ILDR2: variants seen among roughly 807,000 people sequenced by gnomAD.
The protein encoded by ILDR2 is immunoglobulin like domain containing receptor 2.
A neutral mutation model predicts 66.8 loss-of-function variants in ILDR2; 25 were observed. That is an observed-to-expected ratio of 0.37 (90% CI 0.27 to 0.52). ILDR2 has a LOEUF of 0.52. Among genes scored for constraint, ILDR2 ranks in the 20% least tolerant of loss-of-function variants. The pLI is 0.88. For synonymous variants in ILDR2, 367 were observed against 357.2 expected (o/e 1.03, Z -0.31); for missense variants, 827 against 876.8 (o/e 0.94, Z 0.72).
At chr1:166,939,203 C>A (rs1163113214) in intron 4 of ILDR2, among the ~76,000 whole-genome samples, 2 of 152,104 alleles carry the variant, frequency 1.3e-5, no homozygotes, top group African/African-American at 4.8e-5. Flanking sequence ...ATTAAAAATA[C>A]TTTTAGGTAT....
At chr1:166,923,164 T>G (rs1660063358) in intron 7 of ILDR2, among the ~76,000 whole-genome samples, 2 of 152,182 alleles carry the variant, frequency 1.3e-5, no homozygotes, top group African/African-American at 4.8e-5. Context: ...TCTTCTTCCT[T>G]TATAATTCTG....
intron 6 of ILDR2, among the ~76,000 whole-genome samples, chr1:166,929,806 C>T (rs149743877): frequency 6.6e-6 from 1 of 152,116 alleles, no homozygotes; most frequent in East Asian, 1.9e-4. Flanking sequence ...GCAGATGAGG[C>T]CATATGGGCG....
chr1:166,961,487 A>G (rs1398409469), intron 1 of ILDR2, among the ~76,000 whole-genome samples: 3 of 152,224 alleles, frequency 2.0e-5, no homozygotes, highest in Non-Finnish European at 4.4e-5. Flanking sequence ...TTATAGCATG[A>G]TACTTAAAGG....
At chr1:166,923,462 G>T (rs543817360) in intron 7 of ILDR2, among the ~76,000 whole-genome samples, 2 of 152,330 alleles carry the variant, frequency 1.3e-5, no homozygotes, top group East Asian at 3.9e-4. Context: ...GGAAGATCCT[G>T]CTCAAGTAGC....
chr1:166,939,499 T>C lies in ILDR2; in HGVS notation c.556+15A>G. 1 of 1,609,546 alleles carries C rather than the reference T, an allele frequency of 6.2e-7. No homozygotes were observed. Among genetic ancestry groups the C allele is most frequent in the Non-Finnish European group, 8.5e-7 (1 of 1,175,896 alleles). ...ACAGCAAATCAAGCAAATAAAGAGTTAAATGACCGAATACCTGGCATAATC... is the reference window on the plus strand; with the variant it reads ...ACAGCAAATCAAGCAAATAAAGAGTCAAATGACCGAATACCTGGCATAATC... On this transcript the variant is annotated intron_variant, in intron 4 of 9. Coordinates refer to ENST00000271417, the MANE Select transcript of ILDR2 (RefSeq NM_199351.3).
rs747723781 is a variant in ILDR2 at position 166,910,835 on chromosome 1, A to C, written c.*8520T>G. 1.3e-5 allele frequency: 2 copies of C among 152,262 alleles called. No individual in the cohort carries two copies. Among genetic ancestry groups the C allele is most frequent in the Non-Finnish European group, 2.9e-5 (2 of 68,046 alleles). The allele number at this position is 152,262 out of a possible 1,614,324, so 9.4% of individuals were successfully genotyped here. A position where few individuals can be genotyped will look rare whatever the true frequency, so the allele number is the denominator to read the frequency against. ...AAAATTGGATTAGAATTAGATAATC[A>C]TAGGGAAAAATGAATTATTTGTTTT... is the stretch of plus-strand genomic sequence containing the variant. On this transcript the variant is annotated 3_prime_UTR_variant, in exon 10 of 10. Transcript: ENST00000271417.
intron 3 of ILDR2, among the ~76,000 whole-genome samples, chr1:166,950,387 G>A (rs2101955653): frequency 6.6e-6 from 1 of 152,256 alleles, no homozygotes; most frequent in African/African-American, 2.4e-5. Flanking sequence ...GCGGCACCAG[G>A]CTGGGGCTGG....
At chr1:166,922,489 G>A (rs1438738392) in intron 8 of ILDR2, 104 bp downstream of exon 8, 1 of 821,170 alleles carries the variant, frequency 1.2e-6, no homozygotes, top group East Asian at 2.4e-5. Flanking sequence ...CCTGGAATGG[G>A]AGACAGAGAT....
At chr1:166,941,533 C>A (rs907927634) in intron 3 of ILDR2, among the ~76,000 whole-genome samples, 10 of 152,132 alleles carry the variant, frequency 6.6e-5, no homozygotes, top group Admixed American at 6.5e-4. Context: ...GTAATAATCA[C>A]CTAGTCAAAG....
At chr1:166,897,782 A>T (rs1171249221) in intron 2 of ILDR2, among the ~76,000 whole-genome samples, 1 of 152,358 alleles carries the variant, frequency 6.6e-6, no homozygotes, top group South Asian at 2.1e-4. Context: ...TGTTCTATGC[A>T]TCTTTCTTTT....
At chr1:166,939,491 TAA>T (rs1557942353) in intron 4 of ILDR2, 21 bp downstream of exon 4, 2 of 1,602,592 alleles carry the variant, frequency 1.2e-6, no homozygotes, top group South Asian at 1.1e-5. Flanking sequence ...ATCAAGCAAA[TAA>T]AGAGTTAAAT....
At chr1:166,971,876 A>G (rs953270032) in intron 1 of ILDR2, among the ~76,000 whole-genome samples, 2 of 152,206 alleles carry the variant, frequency 1.3e-5, no homozygotes, top group Non-Finnish European at 2.9e-5. Flanking sequence ...CAGGAATTTA[A>G]TATGTGCTTG....
Position 166,957,936 on chromosome 1 carries a change from C to T in ILDR2, c.212G>A (p.Gly71Asp). The change falls in exon 2 of 10, where the codon GGC (glycine) becomes GAC (aspartate). Residue 71 changes from glycine (G) to aspartate (D), a missense_variant. Coordinates refer to ENST00000271417, the MANE Select transcript of ILDR2 (RefSeq NM_199351.3). The part of the protein sequence containing the change: ...YCQDRMGESL[G>D]MSSTRAQSLS... ...AGATTGGGCCCGGGTAGAGGACATGCCCAAGGATTCTCCCATGCGATCCTG... is the reference window on the plus strand; with the variant it reads ...AGATTGGGCCCGGGTAGAGGACATGTCCAAGGATTCTCCCATGCGATCCTG... 5 of 1,614,096 alleles carry T rather than the reference C, an allele frequency of 3.1e-6. No individual in the cohort carries two copies. Among genetic ancestry groups the T allele is most frequent in the Non-Finnish European group, 4.2e-6 (5 of 1,180,014 alleles).
At position 166,920,969 on chromosome 1, in the gene ILDR2, C is replaced by G; in HGVS notation, c.1622G>C (p.Gly541Ala). The G allele has an allele frequency of 6.7e-7, 1 of 1,486,368 alleles. No individual in the cohort carries two copies. Among genetic ancestry groups the G allele is most frequent in the Non-Finnish European group, 8.9e-7 (1 of 1,129,244 alleles). The allele number at this position is 1,486,368 out of a possible 1,614,324, so 92.1% of individuals were successfully genotyped here. Residue 541 changes from glycine (G) to alanine (A), a missense_variant, in exon 9 of 10, where the codon GGC (glycine) becomes GCC (alanine). Coordinates refer to ENST00000271417, the MANE Select transcript of ILDR2 (RefSeq NM_199351.3). ...SARERQARPE[G>A]ASRGGSLETP... ...CTCCAGGCTGCCACCGCGGCTGGCGCCCTCGGGCCGCGCCTGGCGCTCCCG... is the reference window on the plus strand; with the variant it reads ...CTCCAGGCTGCCACCGCGGCTGGCGGCCTCGGGCCGCGCCTGGCGCTCCCG...
chr1:166,904,165 T>C (rs1380739595), downstream of ILDR2, among the ~76,000 whole-genome samples: 2 of 152,244 alleles, frequency 1.3e-5, no homozygotes, highest in Non-Finnish European at 2.9e-5. Flanking sequence ...ATAACTTGAA[T>C]AAAAGGATAA....
At chr1:166,969,197 C>T (rs564548612) in intron 1 of ILDR2, among the ~76,000 whole-genome samples, 5 of 152,282 alleles carry the variant, frequency 3.3e-5, no homozygotes, top group Non-Finnish European at 5.9e-5. Flanking sequence ...CCCCCCTACA[C>T]GCTGCCTCCT....
At chr1:166,948,905 A>G (rs1009392389) in intron 3 of ILDR2, among the ~76,000 whole-genome samples, 2 of 152,190 alleles carry the variant, frequency 1.3e-5, no homozygotes, top group African/African-American at 4.8e-5. Flanking sequence ...TTTAATCTTC[A>G]CAATAGGTCT....
intron 5 of ILDR2, 144 bp from the exon 6 acceptor site, chr1:166,935,621 C>T: frequency 1.4e-6 from 1 of 702,580 alleles, no homozygotes. Context: ...TAAAACTGAA[C>T]TGATTCATCA....
At chr1:166,961,500 T>G (rs1170174076) in intron 1 of ILDR2, among the ~76,000 whole-genome samples, 1 of 152,216 alleles carries the variant, frequency 6.6e-6, no homozygotes, top group African/African-American at 2.4e-5. Context: ...CTTAAAGGCA[T>G]GGATTTTGCA....
Sources: allele counts gnomAD v4.1 joint callset (sites outside exome capture counted in the v4.1 genomes callset), GRCh38; gene constraint gnomAD v4.1.1; transcripts MANE v1.5; gene names NCBI Gene and HGNC (gene_info 2026-07-23, HGNC 2026-07-21).